The following GART variants were observed in gnomAD, a reference collection of about 807,000 sequenced individuals.
The protein encoded by GART is trifunctional purine biosynthetic protein adenosine-3.
Under a neutral mutation model 107.2 loss-of-function variants are expected in GART, and 43 were observed. The observed-to-expected ratio is 0.40, with a 90% confidence interval of 0.31 to 0.52. The LOEUF (loss-of-function observed/expected upper bound fraction) is 0.52. Among genes scored for constraint, GART ranks in the 20% least tolerant of loss-of-function variants. The probability of loss-of-function intolerance (pLI) is 0.52; values close to 1 mark genes in which losing one functional copy is unlikely to be tolerated. For missense variants in GART, 1,107 were observed against 1,206.5 expected, an observed-to-expected ratio of 0.92 and a Z score of 1.22; for synonymous variants, 434 against 427.0, an observed-to-expected ratio of 1.02 and a Z score of -0.20.
Position 33,520,576 on chromosome 21 carries a change from A to G in GART, c.1504-14T>C. ...TAGCTGGGCAATCTATGTAAGAACAATATAAACATCCACATTAGGGAATAA... is the reference window on the plus strand; with the variant it reads ...TAGCTGGGCAATCTATGTAAGAACAGTATAAACATCCACATTAGGGAATAA... On this transcript the variant is annotated splice_polypyrimidine_tract_variant and intron_variant, in intron 13 of 21. Coordinates refer to ENST00000381815, the MANE Select transcript of GART (RefSeq NM_000819.5). 6.2e-7 allele frequency: 1 copy of G among 1,605,600 alleles called. No homozygotes were observed. Among genetic ancestry groups the G allele is most frequent in the Non-Finnish European group, 8.5e-7 (1 of 1,172,778 alleles).
rs1315563854 is a variant in GART at position 33,511,335 on chromosome 21, T to A, written c.2231A>T (p.Glu744Val). 2 of 1,614,094 alleles carry A rather than the reference T, an allele frequency of 1.2e-6. No individual in the cohort carries two copies. Among genetic ancestry groups the A allele is most frequent in the African/African-American group, 2.7e-5 (2 of 74,932 alleles). The change falls in exon 17 of 22, where the codon GAG (glutamate) becomes GTG (valine). Residue 744 changes from glutamate to valine, a missense_variant. Coordinates refer to ENST00000381815, the MANE Select transcript of GART (RefSeq NM_000819.5). ...GVGAVLVVSK[E>V]QTEQILRDIQ... ...ATCCCTCAGAATCTGCTCTGTCTGC[T>A]CCTTTGATACCACAAGGACAGCGCC...
At chr21:33,511,215 A>T in intron 17 of GART, 37 bp downstream of exon 17, 1 of 1,608,468 alleles carries the variant, frequency 6.2e-7, no homozygotes, top group South Asian at 1.1e-5. Flanking sequence ...TTATACAGCT[A>T]AAATTATATA....
In GART at chr21:33,528,205, C is replaced by A; in HGVS notation, c.1028G>T (p.Gly343Val). ...TALTVVMASKGYPGDYTKGVE... is the reference protein window; with the variant it reads ...TALTVVMASKVYPGDYTKGVE... Reference sequence around the variant, plus strand: ...ACCCTTGGTGTAGTCTCCAGGATAACCTTTACTTGCCATGACAACAGTTAG... The same window carrying A: ...ACCCTTGGTGTAGTCTCCAGGATAAACTTTACTTGCCATGACAACAGTTAG... The change falls in exon 10 of 22, where the codon GGT (glycine) becomes GTT (valine). Residue 343 changes from glycine to valine, a missense_variant. Transcript: ENST00000381815. The A allele has an allele frequency of 1.2e-6, 2 of 1,613,752 alleles. No homozygotes were observed. The highest frequency in any genetic ancestry group is 1.3e-5 in the African/African-American group (1 of 74,896).
In GART at chr21:33,524,770, T is replaced by C. The variant is rs2085037698; in HGVS notation, c.1297A>G (p.Arg433Gly). ...FRAIAFLQQP[R>G]SLTYKESGVD... is the part of the protein sequence containing the mutation. The stretch of plus-strand genomic sequence containing the variant: ...CAGCTAACTTGCTTAGAGTTTTACC[T>C]GGGCTGCTGGAGGAAAGCTATGGCA... Residue 433 changes from arginine to glycine, a missense_variant and splice_region_variant, in exon 11 of 22, where the codon AGG becomes GGG. By Grantham distance (125) the Arg-to-Gly change is moderately radical (BLOSUM62 -2). Coordinates refer to ENST00000381815, the MANE Select transcript of GART (RefSeq NM_000819.5). 6.2e-7 allele frequency: 1 copy of C among 1,614,226 alleles called. No individual in the cohort carries two copies.
intron 11 of GART, chr21:33,523,967 C>CAAAAAAAAAAAAAAAAAAAAA (rs747171882): frequency 1.8e-6 from 1 of 541,466 alleles, no homozygotes; most frequent in Non-Finnish European, 2.1e-6. Context: ...AATTCTGTCT[C>CAAAAAAAAAAAAAAAAAAAAA]AAAAAAAAAA....
At chr21:33,535,439 G>T in intron 2 of GART, 119 bp from the exon 3 acceptor site, 1 of 569,238 alleles carries the variant, frequency 1.8e-6, no homozygotes, top group East Asian at 3.1e-5. Flanking sequence ...GTTATCTGTT[G>T]GTTTTCTTAT....
chr21:33,534,431 G>C (rs2085263606), intron 4 of GART, 148 bp downstream of exon 4: 2 of 710,566 alleles, frequency 2.8e-6, no homozygotes, highest in South Asian at 3.6e-5. Context: ...TACCCAGGCT[G>C]GTCTCTAACT....
intron 11 of GART, chr21:33,524,033 T>G: frequency 1.0e-6 from 1 of 984,706 alleles, no homozygotes; most frequent in Non-Finnish European, 1.2e-6. Flanking sequence ...TTTATTGATT[T>G]TACAAGTCAA....
At position 33,534,572 on chromosome 21, in the gene GART, T is replaced by A; in HGVS notation, c.416+7A>T. On this transcript the variant is annotated splice_region_variant and intron_variant, in intron 4 of 21. Transcript: ENST00000381815. ...CAACTGTCCTTCACAGACAACCATT[T>A]ACCTACCTCAAAATGAAGCTGCAGG... 6 of 1,614,050 alleles carry A rather than the reference T, an allele frequency of 3.7e-6. No homozygotes were observed. Among genetic ancestry groups the A allele is most frequent in the Non-Finnish European group, 5.1e-6 (6 of 1,179,970 alleles).
chr21:33,509,751 A>C, intron 18 of GART, 32 bp downstream of exon 18: 1 of 1,607,500 alleles, frequency 6.2e-7, no homozygotes, highest in Admixed American at 1.7e-5. Flanking sequence ...GGCAGTCAAC[A>C]GCTCTACAGT....
intron 10 of GART, among the ~76,000 whole-genome samples, chr21:33,526,346 G>C: frequency 6.6e-6 from 1 of 152,006 alleles, no homozygotes; most frequent in Middle Eastern, 3.4e-3. Flanking sequence ...AATTGTTTTT[G>C]TATTTTTAGT....
chr21:33,525,535 A>G (rs1346955530), intron 10 of GART, among the ~76,000 whole-genome samples: 1 of 152,112 alleles, frequency 6.6e-6, no homozygotes, highest in Non-Finnish European at 1.5e-5. Flanking sequence ...GGTTCAAGCA[A>G]TTCTCTTGCC....
chr21:33,535,930 A>G (rs1037206721), intron 2 of GART, among the ~76,000 whole-genome samples: 4 of 152,094 alleles, frequency 2.6e-5, no homozygotes, highest in South Asian at 2.1e-4. Flanking sequence ...CAGGAGGCTG[A>G]GACAGGAGAA....
rs754812697 is a variant in GART at position 33,505,753 on chromosome 21, A to C, written c.2584-51T>G. The C allele has an allele frequency of 5.3e-6, 8 of 1,500,548 alleles. No homozygotes were observed. In the Admixed American group the frequency reaches 1.3e-4, roughly 24 times the overall value. The allele number at this position is 1,500,548 out of a possible 1,614,324, so 93.0% of individuals were successfully genotyped here. On this transcript the variant is annotated intron_variant, in intron 19 of 21. Transcript: ENST00000381815. ...CCCTTTTCAATGAATTACCAAAAAT[A>C]ATTAAAAACTCAACCTTTACACAGA...
rs1315767596 is a variant in GART at position 33,511,000 on chromosome 21, T to C, written c.2314+252A>G. ...CAGCAGAGCCATGAGGTCTTGTGTG[T>C]AGGGAGATTACTTTGGGAAGCGATC... is the stretch of plus-strand genomic sequence containing the variant. On this transcript the variant is annotated intron_variant, in intron 17 of 21. Transcript: ENST00000381815. 2.0e-5 allele frequency among the ~76,000 whole-genome samples: 3 copies of C among 152,140 alleles called. No homozygotes were observed. In the South Asian group the frequency reaches 6.2e-4, roughly 32 times the overall value.
Position 33,539,198 on chromosome 21 carries a change from C to T in GART, c.118G>A (p.Ala40Thr). 6.2e-7 allele frequency: 1 copy of T among 1,613,858 alleles called. No individual in the cohort carries two copies. The highest frequency in any genetic ancestry group is 8.5e-7 in the Non-Finnish European group (1 of 1,179,906). ...GTATTTGAAATCTTTTCAGAGCAGG[C>T]AGTGCCTGCGTTTCCTGGGGCAACC... is the stretch of plus-strand genomic sequence containing the variant. ...VLVAPGNAGT[A>T]CSEKISNTAI... The change falls in exon 2 of 22, where the codon GCC becomes ACC. Residue 40 changes from alanine to threonine, a missense_variant. Physicochemically the swap from Ala to Thr is moderately conservative, Grantham distance 58. Transcript: ENST00000381815.
chr21:33,504,015 T>TAAA lies in GART; in HGVS notation c.*108_*109insTTT, dbSNP rs1374168197. ...AATAGATGAAGTAAGGGTGAGGTCT[T>TAAA]TTTTGTCTTTTAGCAGTTTTTCTTT... On this transcript the variant is annotated 3_prime_UTR_variant, in exon 22 of 22. Transcript: ENST00000381815. 2 of 999,072 alleles carry TAAA rather than the reference T, an allele frequency of 2.0e-6. No homozygotes were observed. Among genetic ancestry groups the TAAA allele is most frequent in the African/African-American group, 3.3e-5 (2 of 61,426 alleles). 61.9% of individuals were successfully genotyped at this position (999,072 alleles called of 1,614,324 possible). A position where few individuals can be genotyped will look rare whatever the true frequency, so the allele number is the denominator to read the frequency against.
intron 10 of GART, among the ~76,000 whole-genome samples, chr21:33,525,208 GACCTCGC>G (rs2085049795): frequency 2.6e-5 from 4 of 151,376 alleles, no homozygotes; most frequent in Admixed American, 2.6e-4. Context: ...AACAGAGCAA[GACCTCGC>G]CTCTACATAA....
chr21:33,521,141 A>C, intron 12 of GART, 126 bp from the exon 13 acceptor site: 1 of 668,986 alleles, frequency 1.5e-6, no homozygotes, highest in Non-Finnish European at 2.6e-6. Flanking sequence ...TGGAAGAAAT[A>C]GATGATTGGA....
Sources: allele counts gnomAD v4.1 joint callset (sites outside exome capture counted in the v4.1 genomes callset), GRCh38; gene constraint gnomAD v4.1.1; transcripts MANE v1.5; gene names NCBI Gene and HGNC (gene_info 2026-07-23, HGNC 2026-07-21).